Variants in LRRK2 observed in about 807,000 individuals in gnomAD.
LRRK2 encodes the protein leucine rich repeat kinase 2.
LRRK2 carries 203 observed loss-of-function variants against 302.6 expected under a neutral mutation model. The ratio of observed to expected loss-of-function variants is 0.67; its 90% confidence interval spans 0.60 to 0.75. The LOEUF (loss-of-function observed/expected upper bound fraction) is 0.75. LRRK2 is among the 30% of genes least tolerant of loss of function. The probability of loss-of-function intolerance (pLI) is 0.00; values close to 1 mark genes in which losing one functional copy is unlikely to be tolerated. For missense variants in LRRK2, 2,830 were observed against 2,951.0 expected, an observed-to-expected ratio of 0.96 and a Z score of 0.95; for synonymous variants, 1,066 against 1,031.9, an observed-to-expected ratio of 1.03 and a Z score of -0.63.
chr12:40,360,730 T>C (rs1946678753), intron 47 of LRRK2, among the ~76,000 whole-genome samples: 1 of 152,142 alleles, frequency 6.6e-6, no homozygotes, highest in South Asian at 2.1e-4. Flanking sequence ...CTTGCTTACC[T>C]GTCTAGATTC....
intron 4 of LRRK2, 142 bp from the exon 5 acceptor site, chr12:40,237,827 A>G: frequency 5.9e-6 from 1 of 168,922 alleles, no homozygotes; most frequent in South Asian, 1.1e-4. Context: ...GTTTATCAAC[A>G]AACAAACAAA....
chr12:40,359,576 T>A, intron 47 of LRRK2, 132 bp downstream of exon 47: 1 of 869,936 alleles, frequency 1.1e-6, no homozygotes. Flanking sequence ...TATCATAAAA[T>A]TAAACTTTCA....
chr12:40,311,772 C>T (rs543123419), intron 31 of LRRK2, among the ~76,000 whole-genome samples: 3 of 152,158 alleles, frequency 2.0e-5, no homozygotes, highest in Admixed American at 6.6e-5. Flanking sequence ...ATGTTTGTAT[C>T]CTTCAACACA....
chr12:40,241,574 C>G (rs1555174376), intron 6 of LRRK2, among the ~76,000 whole-genome samples: 1 of 152,062 alleles, frequency 6.6e-6, no homozygotes, highest in East Asian at 1.9e-4. Context: ...ATGCATTTAT[C>G]TAGTGATATT....
In LRRK2 at chr12:40,274,655, T is replaced by A; in HGVS notation, c.1729T>A (p.Leu577Ile). The A allele has an allele frequency of 1.2e-6, 2 of 1,613,972 alleles. No individual in the cohort carries two copies. Among genetic ancestry groups the A allele is most frequent in the Non-Finnish European group, 1.7e-6 (2 of 1,179,886 alleles). ...TTCTATTGTACATTTTCCTGATGCATTAGAGATGTTATCCCTGGAAGGTGC... is the reference window on the plus strand; with the variant it reads ...TTCTATTGTACATTTTCCTGATGCAATAGAGATGTTATCCCTGGAAGGTGC... ...ISSIVHFPDA[L>I]EMLSLEGAMD... The change falls in exon 15 of 51, where the codon TTA becomes ATA. Residue 577 changes from leucine (L) to isoleucine (I), a missense_variant. This residue lies in a region of LRRK2 where 2,121 missense variants were observed against 2,148.0 expected (regional missense o/e 0.99). Transcript: ENST00000298910.
rs762016943 is a variant in LRRK2, at chr12:40,252,892, T to C, written c.1182-18T>C. The C allele has an allele frequency of 6.5e-7, 1 of 1,531,566 alleles. No homozygotes were observed. Among genetic ancestry groups the C allele is most frequent in the South Asian group, 1.1e-5 (1 of 89,376 alleles). 94.9% of individuals were successfully genotyped at this position (1,531,566 alleles called of 1,614,324 possible). On this transcript the variant is annotated intron_variant, in intron 10 of 50. Coordinates refer to ENST00000298910, the MANE Select transcript of LRRK2 (RefSeq NM_198578.4). ...ATTTAAAAGATTACTACTAACATTT[T>C]GTTTGAATTTTTGAAAGTTTCCCAG...
intron 14 of LRRK2, among the ~76,000 whole-genome samples, chr12:40,272,453 G>A (rs144168666): frequency 4.8e-4 from 73 of 152,210 alleles, no homozygotes; most frequent in Non-Finnish European, 7.5e-4. Flanking sequence ...ATAGTGTGTC[G>A]ACATCACAAA....
intron 38 of LRRK2, among the ~76,000 whole-genome samples, chr12:40,325,931 T>A (rs1163727121): frequency 1.3e-5 from 2 of 152,228 alleles, no homozygotes; most frequent in Admixed American, 1.3e-4. Context: ...CAGGGTACAT[T>A]TCCTCTTTGT....
chr12:40,308,471 C>T lies in LRRK2; in HGVS notation c.3964C>T (p.Leu1322Phe). 6.2e-7 allele frequency: 1 copy of T among 1,612,698 alleles called. No individual in the cohort carries two copies. The highest frequency in any genetic ancestry group is 1.1e-5 in the South Asian group (1 of 90,968). ...GCKAKDIIRF[L>F]QQRLKKAVPY... ...TTTTTATCTTTCAAATACTAGGTTT[C>T]TTCAACAGCGATTAAAAAAGGCTGT... Residue 1322 changes from leucine to phenylalanine, a missense_variant, in exon 29 of 51, where the codon CTT becomes TTT. Leu to Phe is a conservative substitution (Grantham distance 22, BLOSUM62 0). Coordinates refer to ENST00000298910, the MANE Select transcript of LRRK2 (RefSeq NM_198578.4).
intron 5 of LRRK2, among the ~76,000 whole-genome samples, chr12:40,239,417 A>G (rs1265133339): frequency 1.3e-5 from 2 of 152,146 alleles, no homozygotes; most frequent in Non-Finnish European, 2.9e-5. Flanking sequence ...CAGGGTCTGT[A>G]ATCTTCTGTG....
chr12:40,365,283 T>C, intron 49 of LRRK2: 2 of 489,282 alleles, frequency 4.1e-6, no homozygotes, highest in Admixed American at 7.3e-5. Context: ...AACACTCAGT[T>C]TGGGTCTTAC....
chr12:40,264,826 A>G (rs1280861026), intron 14 of LRRK2, among the ~76,000 whole-genome samples: 1 of 152,258 alleles, frequency 6.6e-6, no homozygotes, highest in Admixed American at 6.5e-5. Context: ...GAAGGGAATT[A>G]CATTTAAATT....
chr12:40,294,594 A>C (rs561907297), intron 21 of LRRK2, among the ~76,000 whole-genome samples: 1 of 152,200 alleles, frequency 6.6e-6, no homozygotes, highest in East Asian at 1.9e-4. Flanking sequence ...TTTTTCACTC[A>C]ACCTTTCTGT....
rs372989589 is a variant in LRRK2, at chr12:40,323,335, A to T, written c.5656+29A>T. 29 of 1,580,392 alleles carry T rather than the reference A, an allele frequency of 1.8e-5. No individual in the cohort carries two copies. In the African/African-American group the frequency reaches 3.8e-4, roughly 21 times the overall value. On this transcript the variant is annotated intron_variant, in intron 38 of 50. Transcript: ENST00000298910. ...ATTCTTTTTGTTAATTTGAGAATAA[A>T]AATTAGGATGTAATTTTCTCCTTAT... is the stretch of plus-strand genomic sequence containing the variant.
chr12:40,356,144 C>A lies in LRRK2; in HGVS notation c.6800C>A (p.Thr2267Asn). ...CAAAAAAATTTTCTTTTGGTTGGAA[C>A]CGCTGATGGCAAGTTAGCAATTTTT... ...SKQKNFLLVG[T>N]ADGKLAIFED... Residue 2267 changes from threonine (T) to asparagine (N), a missense_variant, in exon 46 of 51, where the codon ACC becomes AAC. Coordinates refer to ENST00000298910, the MANE Select transcript of LRRK2 (RefSeq NM_198578.4). The A allele has an allele frequency of 1.9e-6, 3 of 1,612,300 alleles. No individual in the cohort carries two copies. The highest frequency in any genetic ancestry group is 1.7e-6 in the Non-Finnish European group (2 of 1,179,214).
At chr12:40,338,103 G>A (rs1315500254) in intron 40 of LRRK2, among the ~76,000 whole-genome samples, 2 of 152,298 alleles carry the variant, frequency 1.3e-5, no homozygotes, top group South Asian at 2.1e-4. Context: ...GAGGTTGAAA[G>A]CTTACAGTCT....
chr12:40,252,186 A>G (rs1942303415), intron 10 of LRRK2, among the ~76,000 whole-genome samples: 1 of 152,124 alleles, frequency 6.6e-6, no homozygotes, highest in Non-Finnish European at 1.5e-5. Flanking sequence ...TACTTGTGCT[A>G]TTTGCAATGG....
intron 47 of LRRK2, among the ~76,000 whole-genome samples, chr12:40,362,287 AT>A (rs917705613): frequency 6.6e-6 from 1 of 152,088 alleles, no homozygotes; most frequent in African/African-American, 2.4e-5. Context: ...AGGAAAAAAA[AT>A]CTTCCTACTC....
intron 2 of LRRK2, among the ~76,000 whole-genome samples, chr12:40,231,768 T>C (rs1592134747): frequency 6.8e-6 from 1 of 147,292 alleles, no homozygotes; most frequent in East Asian, 1.9e-4. Context: ...AAATTATATA[T>C]ATTATATATT....
Sources: gnomAD v4.1 joint callset for allele counts (sites outside exome capture counted in the v4.1 genomes callset) on GRCh38, gnomAD v4.1.1 for gene constraint, gnomAD v4.1.1 regional missense constraint, MANE v1.5 for transcripts, NCBI Gene and HGNC (gene_info 2026-07-23, HGNC 2026-07-21) for gene names.